Variants in PRMT5 observed in about 807,000 individuals in gnomAD.
PRMT5 encodes the protein protein arginine methyltransferase 5, also known as protein arginine N-methyltransferase 5.
PRMT5 carries 15 observed loss-of-function variants against 84.0 expected under a neutral mutation model. The observed-to-expected ratio is 0.18, with a 90% CI of 0.12 to 0.28. The LOEUF is 0.28. Among genes scored for constraint, PRMT5 ranks in the 10% least tolerant of loss-of-function variants. The pLI, the probability that PRMT5 is intolerant of heterozygous loss-of-function variation, is 1.00. For synonymous variants in PRMT5, 276 were observed against 292.4 expected (o/e 0.94, Z 0.57); for missense variants, 486 against 808.0 (o/e 0.60, Z 4.83).
chr14:22,926,336 C>T, intron 6 of PRMT5, 40 bp from the exon 7 acceptor site: 1 of 1,608,742 alleles, frequency 6.2e-7, no homozygotes, highest in Non-Finnish European at 8.5e-7. Flanking sequence ...CACTGCCAGG[C>T]AAGAAACCCT....
At chr14:22,922,138 T>G (rs757135208) in intron 16 of PRMT5, 38 bp downstream of exon 16, 2 of 1,498,142 alleles carry the variant, frequency 1.3e-6, no homozygotes, top group Middle Eastern at 3.4e-4. Flanking sequence ...AAGGCAAAGG[T>G]TACTGCTTAA....
Position 22,924,439 on chromosome 14 carries a change from T to A in PRMT5, c.1076+40A>T. 1.9e-6 allele frequency: 3 copies of A among 1,613,686 alleles called. No homozygotes were observed. Among genetic ancestry groups the A allele is most frequent in the Non-Finnish European group, 2.5e-6 (3 of 1,179,702 alleles). On this transcript the variant is annotated intron_variant, in intron 10 of 16. Transcript: ENST00000324366. This position sits in a 1 kb window ranked among gnomAD's most constrained non-coding sequence, Gnocchi z 6.5. The stretch of plus-strand genomic sequence containing the variant: ...CAAGCAGACTTGGCATATACAGATA[T>A]AGGTATGCAAGTCCCTGAGATTGAG...
At chr14:22,922,154 G>A (rs746568218) in intron 16 of PRMT5, 22 bp downstream of exon 16, 60 of 1,532,508 alleles carry the variant, frequency 3.9e-5, no homozygotes, top group Non-Finnish European at 5.0e-5. Context: ...CTTAACTAGA[G>A]AGTCTTAAAA....
chr14:22,928,296 T>C lies in PRMT5; in HGVS notation c.230-85A>G, dbSNP rs972282519. 1.7e-5 allele frequency: 25 copies of C among 1,459,872 alleles called. No individual in the cohort carries two copies. In the African/African-American group the frequency reaches 3.0e-4, roughly 17 times the overall value. 90.4% of individuals were successfully genotyped at this position (1,459,872 alleles called of 1,614,324 possible). ...AATTTTTAGTTTTGGGAATCAAGAG[T>C]AGAAATGAGAGACAAAGGTTTTTTC... On this transcript the variant is annotated intron_variant, in intron 2 of 16. Coordinates refer to ENST00000324366, the MANE Select transcript of PRMT5 (RefSeq NM_006109.5). The surrounding 1 kb of genome is among the most constrained non-coding windows in gnomAD (Gnocchi z 4.8).
chr14:22,926,534 C>A lies in PRMT5; in HGVS notation c.585G>T (p.Leu195Phe), dbSNP rs1308528326. The A allele has an allele frequency of 6.2e-7, 1 of 1,614,158 alleles. No homozygotes were observed. The highest frequency in any genetic ancestry group is 8.5e-7 in the Non-Finnish European group (1 of 1,180,032). Residue 195 changes from leucine to phenylalanine, a missense_variant, in exon 6 of 17, where the codon TTG (leucine) becomes TTT (phenylalanine). Coordinates refer to ENST00000324366, the MANE Select transcript of PRMT5 (RefSeq NM_006109.5). ...CTGCAATCCTCTTACTATAGTCACA[C>A]AAAGTCCGGAAGTTGTGCCACCTGT... ...TWMWWHNFRT[L>F]CDYSKRIAVA... is the part of the protein sequence containing the mutation.
Position 22,925,011 on chromosome 14 carries a change from G to A in PRMT5, c.807C>T (p.Thr269=). The change falls in exon 8 of 17, where the codon ACC becomes ACT. Residue 269 remains threonine (T), a synonymous_variant. Transcript: ENST00000324366. The part of the protein sequence containing the change: ...KLEVQFIITG[T]NHHSEKEFCS... ...AGAACTCCTTCTCTGAGTGGTGGTTGGTGCCTGTGATGATGAACTGCACCT... is the reference window on the plus strand; with the variant it reads ...AGAACTCCTTCTCTGAGTGGTGGTTAGTGCCTGTGATGATGAACTGCACCT... The A allele has an allele frequency of 6.2e-7, 1 of 1,614,044 alleles. No individual in the cohort carries two copies. The highest frequency in any genetic ancestry group is 8.5e-7 in the Non-Finnish European group (1 of 1,180,022).
At chr14:22,922,285 G>T in intron 15 of PRMT5, 45 bp from the exon 16 acceptor site, 1 of 1,525,512 alleles carries the variant, frequency 6.6e-7, no homozygotes, top group Non-Finnish European at 9.1e-7. Flanking sequence ...CCATGGCTGT[G>T]ACTTTTGCCT....
At position 22,926,640 on chromosome 14, in the gene PRMT5, C is replaced by T. The variant is rs2044425568; in HGVS notation, c.563+62G>A. On this transcript the variant is annotated intron_variant, in intron 5 of 16. Coordinates refer to ENST00000324366, the MANE Select transcript of PRMT5 (RefSeq NM_006109.5). Reference sequence around the variant, plus strand: ...CTCAAGGAGACCTCCCTACAGGTTGCACCCTGTACTTCCCCTCACCCTATC... The same window carrying T: ...CTCAAGGAGACCTCCCTACAGGTTGTACCCTGTACTTCCCCTCACCCTATC... 3.7e-6 allele frequency: 6 copies of T among 1,600,530 alleles called. No individual in the cohort carries two copies. The East Asian group carries it at 6.7e-5, about 18-fold the overall frequency.
intron 16 of PRMT5, among the ~76,000 whole-genome samples, chr14:22,921,660 G>C (rs1436850486): frequency 6.6e-6 from 1 of 152,006 alleles, no homozygotes; most frequent in Admixed American, 6.5e-5. Flanking sequence ...TGAGGTGGGC[G>C]GATCATGAGG....
Position 22,924,086 on chromosome 14 carries a change from C to T in PRMT5, c.1297G>A (p.Val433Ile), listed in dbSNP as rs2044362588. 3 of 1,613,500 alleles carry T rather than the reference C, an allele frequency of 1.9e-6. No individual in the cohort carries two copies. Among genetic ancestry groups the T allele is most frequent in the Non-Finnish European group, 2.5e-6 (3 of 1,179,728 alleles). ...WVAPEKADIIVSELLGSFADN... is the reference protein window; with the variant it reads ...WVAPEKADIIISELLGSFADN... Reference sequence around the variant, plus strand: ...GCAAATGAGCCCAGAAGCTCACTGACAATGATGTCTGCTTTCTCTGGAGCC... The same window carrying T: ...GCAAATGAGCCCAGAAGCTCACTGATAATGATGTCTGCTTTCTCTGGAGCC... The change falls in exon 12 of 17, where the codon GTC (valine) becomes ATC (isoleucine). Residue 433 changes from valine (V) to isoleucine (I), a missense_variant. Physicochemically the swap from Val to Ile is conservative, Grantham distance 29 (BLOSUM62 3). Coordinates refer to ENST00000324366, the MANE Select transcript of PRMT5 (RefSeq NM_006109.5). The surrounding 1 kb of genome is among the most constrained non-coding windows in gnomAD (Gnocchi z 6.5).
chr14:22,927,928 C>T (rs1056755572), intron 3 of PRMT5, among the ~76,000 whole-genome samples, 198 bp downstream of exon 3: 1 of 151,936 alleles, frequency 6.6e-6, no homozygotes, highest in Non-Finnish European at 1.5e-5. Context: ...AGGCTGGTCT[C>T]GAAATCCCGA....
chr14:22,920,931 TG>T lies in PRMT5; in HGVS notation c.1886del (p.Thr629LysfsTer39), dbSNP rs1284706944. The T allele has an allele frequency of 6.2e-7, 1 of 1,614,242 alleles. No individual in the cohort carries two copies. On this transcript the variant is annotated frameshift_variant, in exon 17 of 17. Coordinates refer to ENST00000324366, the MANE Select transcript of PRMT5 (RefSeq NM_006109.5). LOFTEE classifies it high-confidence loss of function. ...AGAGGCCAATGGTATATGAGCGGCC[TG>T]TGGGGTTATGAATAGCAGAACAGAC... ...APVCSAIHNP[T>X]GRSYTIGL
At position 22,924,741 on chromosome 14, in the gene PRMT5, A is replaced by G; in HGVS notation, c.940-32T>C. 1 of 1,608,158 alleles carries G rather than the reference A, an allele frequency of 6.2e-7. No individual in the cohort carries two copies. The highest frequency in any genetic ancestry group is 8.5e-7 in the Non-Finnish European group (1 of 1,175,734). ...AATGAGGAAAAGGACAAAGTTAGCC[A>G]GTTTCTGGCAAAGGACAATGCACTA... On this transcript the variant is annotated intron_variant, in intron 8 of 16. Coordinates refer to ENST00000324366, the MANE Select transcript of PRMT5 (RefSeq NM_006109.5). This position sits in a 1 kb window ranked among gnomAD's most constrained non-coding sequence, Gnocchi z 6.5.
intron 16 of PRMT5, 173 bp downstream of exon 16, chr14:22,922,003 G>A (rs1045978278): frequency 3.1e-6 from 2 of 652,016 alleles, no homozygotes; most frequent in South Asian, 3.8e-5. Context: ...ATGCGGGAAA[G>A]CCAGGCAGAA....
At chr14:22,926,922 T>C in intron 4 of PRMT5, 108 bp from the exon 5 acceptor site, 1 of 724,528 alleles carries the variant, frequency 1.4e-6, no homozygotes, top group Non-Finnish European at 2.4e-6. Context: ...TCCCTTTATA[T>C]GCTTTTCCCA....
At chr14:22,927,039 A>T in intron 4 of PRMT5, 3 of 534,860 alleles carry the variant, frequency 5.6e-6, no homozygotes, top group Non-Finnish European at 9.9e-6. Context: ...ATGTTTTGAA[A>T]CTCTCTTCAT....
chr14:22,928,379 C>G lies in PRMT5; in HGVS notation c.229+118G>C. 1 of 1,149,942 alleles carries G rather than the reference C, an allele frequency of 8.7e-7. No individual in the cohort carries two copies. Among genetic ancestry groups the G allele is most frequent in the Non-Finnish European group, 1.3e-6 (1 of 772,342 alleles). The allele number at this position is 1,149,942 out of a possible 1,614,324, so 71.2% of individuals were successfully genotyped here. The stretch of plus-strand genomic sequence containing the variant: ...GAGAAGCAAGGAGAAAACAAGTTAT[C>G]TATATCCCAGGGACTAACAAATATA... On this transcript the variant is annotated intron_variant, in intron 2 of 16. Transcript: ENST00000324366. The surrounding 1 kb of genome is among the most constrained non-coding windows in gnomAD (Gnocchi z 4.8).
Position 22,922,674 on chromosome 14 carries a change from G to A in PRMT5, c.1579+68C>T. The A allele has an allele frequency of 7.8e-6, 12 of 1,540,330 alleles. No individual in the cohort carries two copies. In the South Asian group the frequency reaches 7.8e-5, roughly 10 times the overall value. ...GATAAGGCAGACTAGGGACAGTAAG[G>A]GAAGAAAGCAGGAGGAAGGAAGAAG... is the stretch of plus-strand genomic sequence containing the variant. On this transcript the variant is annotated intron_variant, in intron 14 of 16. Coordinates refer to ENST00000324366, the MANE Select transcript of PRMT5 (RefSeq NM_006109.5).
chr14:22,926,582 A>G (rs766754361), intron 5 of PRMT5, 27 bp from the exon 6 acceptor site: 1 of 1,613,848 alleles, frequency 6.2e-7, no homozygotes, highest in Non-Finnish European at 8.5e-7. Context: ...AGAAAAGTAC[A>G]GTAAACTAGA....
Sources: allele counts gnomAD v4.1 joint callset (sites outside exome capture counted in the v4.1 genomes callset), GRCh38; gene constraint gnomAD v4.1.1; non-coding constraint Gnocchi (gnomAD v3.1); transcripts MANE v1.5; gene names NCBI Gene and HGNC (gene_info 2026-07-23, HGNC 2026-07-21).